NMBR: variants seen among roughly 807,000 people sequenced by gnomAD.
NMBR encodes the protein neuromedin-B receptor.
Under a neutral mutation model 20.5 loss-of-function variants are expected in NMBR, and 16 were observed. The observed-to-expected ratio is 0.78, with a 90% CI of 0.53 to 1.19. The LOEUF is 1.19. Among genes scored for constraint, NMBR ranks in the 50% most tolerant of loss-of-function variants. NMBR has a pLI of 0.00. For synonymous variants in NMBR, 212 were observed against 196.6 expected (o/e 1.08, Z -0.65); for missense variants, 582 against 499.1 (o/e 1.17, Z -1.58).
At chr6:142,131,809 C>T (rs773859926) in intron 1 of NMBR, among the ~76,000 whole-genome samples, 2 of 152,154 alleles carry the variant, frequency 1.3e-5, no homozygotes, top group Non-Finnish European at 2.9e-5. Context: ...ATTCTATACA[C>T]CCCTGAAAGG....
At chr6:142,095,096 A>T (rs189611905) in intron 1 of NMBR, among the ~76,000 whole-genome samples, 1 of 152,044 alleles carries the variant, frequency 6.6e-6, no homozygotes, top group Non-Finnish European at 1.5e-5. Flanking sequence ...TGTCATCTGC[A>T]AACAGGGACA....
intron 1 of NMBR, among the ~76,000 whole-genome samples, chr6:142,139,934 A>G (rs1038836367): frequency 1.8e-4 from 27 of 152,222 alleles, no homozygotes; most frequent in Admixed American, 1.8e-3. Flanking sequence ...GATATTTAAA[A>G]GCATTTCATA....
intron 1 of NMBR, among the ~76,000 whole-genome samples, chr6:142,117,160 A>G (rs1326779658): frequency 6.6e-6 from 1 of 151,934 alleles, no homozygotes; most frequent in Non-Finnish European, 1.5e-5. Flanking sequence ...TACACCTTGA[A>G]AAGTATATAG....
chr6:142,143,958 C>T (rs1361077630), intron 1 of NMBR, among the ~76,000 whole-genome samples: 1 of 152,176 alleles, frequency 6.6e-6, no homozygotes, highest in Non-Finnish European at 1.5e-5. Context: ...TTTAAATGTG[C>T]TAATGCAATT....
Position 142,088,709 on chromosome 6 carries a change from T to C in NMBR, c.-51A>G, listed in dbSNP as rs1486059364. 1.6e-5 allele frequency: 25 copies of C among 1,517,134 alleles called. No homozygotes were observed. Among genetic ancestry groups the C allele is most frequent in the Non-Finnish European group, 2.1e-5 (24 of 1,124,538 alleles). The allele number at this position is 1,517,134 out of a possible 1,614,324, so 94.0% of individuals were successfully genotyped here. Reference sequence around the variant, plus strand: ...GGAGTTTTCACGCGCTCCGGTGCCCTGAGGACTGAACGCCCACGATTTAGG... The same window carrying C: ...GGAGTTTTCACGCGCTCCGGTGCCCCGAGGACTGAACGCCCACGATTTAGG... On this transcript the variant is annotated 5_prime_UTR_variant, in exon 2 of 4. Transcript: ENST00000258042.
At chr6:142,130,920 G>A (rs1778129878) in intron 1 of NMBR, among the ~76,000 whole-genome samples, 1 of 152,104 alleles carries the variant, frequency 6.6e-6, no homozygotes, top group Non-Finnish European at 1.5e-5. Context: ...CTTAATCATG[G>A]AATGTTCCCT....
At chr6:142,140,035 A>G (rs1778338857) in intron 1 of NMBR, among the ~76,000 whole-genome samples, 1 of 152,170 alleles carries the variant, frequency 6.6e-6, no homozygotes, top group African/African-American at 2.4e-5. Context: ...ATTAAAACCT[A>G]TGAGATATGA....
At chr6:142,145,846 T>C (rs1778423478) in intron 1 of NMBR, among the ~76,000 whole-genome samples, 1 of 152,200 alleles carries the variant, frequency 6.6e-6, no homozygotes, top group Non-Finnish European at 1.5e-5. Context: ...GGATCCCACC[T>C]AGAACAATTA....
intron 1 of NMBR, among the ~76,000 whole-genome samples, chr6:142,108,761 A>T (rs1398021489): frequency 6.6e-6 from 1 of 152,080 alleles, no homozygotes; most frequent in Non-Finnish European, 1.5e-5. Context: ...CCTTCCAAAT[A>T]TCATGTCCGC....
chr6:142,081,900 G>A (rs1354033843), intron 2 of NMBR, among the ~76,000 whole-genome samples: 1 of 152,018 alleles, frequency 6.6e-6, no homozygotes, highest in Non-Finnish European at 1.5e-5. Context: ...TGATCAAAAG[G>A]CATATAAAGA....
At chr6:142,091,440 G>C (rs758268946) in intron 1 of NMBR, among the ~76,000 whole-genome samples, 1 of 152,026 alleles carries the variant, frequency 6.6e-6, no homozygotes, top group Non-Finnish European at 1.5e-5. Context: ...GCCCCAGCTG[G>C]TCTCAAATTC....
At chr6:142,077,267 C>T (rs1776968996) in intron 3 of NMBR, among the ~76,000 whole-genome samples, 1 of 151,988 alleles carries the variant, frequency 6.6e-6, no homozygotes, top group South Asian at 2.1e-4. Context: ...CTATAGGTCC[C>T]AATAGGGAAA....
chr6:142,143,387 C>A (rs540478338), intron 1 of NMBR, among the ~76,000 whole-genome samples: 1 of 152,320 alleles, frequency 6.6e-6, no homozygotes, highest in Admixed American at 6.5e-5. Context: ...CGGGTTCAAG[C>A]GATTCTCTTG....
At chr6:142,095,062 T>C (rs1214770153) in intron 1 of NMBR, among the ~76,000 whole-genome samples, 1 of 152,248 alleles carries the variant, frequency 6.6e-6, no homozygotes, top group South Asian at 2.1e-4. Flanking sequence ...GCTGAGACAA[T>C]GGGGTTTTCT....
intron 1 of NMBR, among the ~76,000 whole-genome samples, chr6:142,111,677 T>C (rs1777765802): frequency 6.6e-6 from 1 of 152,196 alleles, no homozygotes; most frequent in Admixed American, 6.5e-5. Flanking sequence ...TTTTACTGGA[T>C]GAAAATTGAA....
chr6:142,084,519 T>G (rs1296261347), intron 2 of NMBR, among the ~76,000 whole-genome samples: 4 of 152,154 alleles, frequency 2.6e-5, no homozygotes, highest in African/African-American at 9.6e-5. Flanking sequence ...ATTTTTTAAA[T>G]TTAATTTATA....
At chr6:142,084,161 G>A (rs1777156576) in intron 2 of NMBR, among the ~76,000 whole-genome samples, 1 of 152,190 alleles carries the variant, frequency 6.6e-6, no homozygotes, top group Admixed American at 6.5e-5. Context: ...AAAGTCCTAT[G>A]AAGCCTAGTG....
At chr6:142,106,564 CT>C (rs1442940129) in intron 1 of NMBR, among the ~76,000 whole-genome samples, 4 of 152,158 alleles carry the variant, frequency 2.6e-5, no homozygotes, top group Non-Finnish European at 5.9e-5. Context: ...ATTCTTACAG[CT>C]TTTATAAAGG....
Position 142,115,770 on chromosome 6 carries a change from C to T in NMBR, c.-663-26449G>A, listed in dbSNP as rs76319641. Among the ~76,000 whole-genome samples the T allele has an allele frequency of 2.0e-3, 310 of 152,100 alleles. 3 individuals carry two copies. The highest frequency in any genetic ancestry group is 7.2e-3 in the African/African-American group (300 of 41,520). ...CTCCTGTGGTCATCAAATTTAAACA[C>T]TAAAATGTTTTGGAATTTGATATAG... On this transcript the variant is annotated intron_variant, in intron 1 of 3. Coordinates refer to ENST00000258042, the MANE Select transcript of NMBR (RefSeq NM_002511.4).
Sources: allele counts gnomAD v4.1 joint callset (sites outside exome capture counted in the v4.1 genomes callset), GRCh38; gene constraint gnomAD v4.1.1; transcripts MANE v1.5; gene names NCBI Gene and HGNC (gene_info 2026-07-23, HGNC 2026-07-21).